CDH4: variants seen among roughly 807,000 people sequenced by gnomAD.
CDH4 encodes cadherin-4.
A neutral mutation model predicts 86.0 loss-of-function variants in CDH4; 33 were observed. The ratio of observed to expected loss-of-function variants is 0.38; its 90% CI spans 0.29 to 0.51. The LOEUF (loss-of-function observed/expected upper bound fraction) is 0.51. Among genes scored for constraint, CDH4 ranks in the 20% least tolerant of loss-of-function variants. The pLI, the probability that CDH4 is intolerant of heterozygous loss-of-function variation, is 0.86. For missense variants in CDH4, 1,114 were observed against 1,307.4 expected, an observed-to-expected ratio of 0.85 and a Z score of 2.28; for synonymous variants, 555 against 549.4, an observed-to-expected ratio of 1.01 and a Z score of -0.14.
rs578182672 is a variant in CDH4, at chr20:61,518,220, C to T, written c.170-225343C>T. Among the ~76,000 whole-genome samples the T allele has an allele frequency of 2.0e-4, 31 of 152,250 alleles. No individual in the cohort carries two copies. Among genetic ancestry groups the T allele is most frequent in the African/African-American group, 4.1e-4 (17 of 41,526 alleles). ...TATCGAACACCACCAGTTCCTAGGACGAGGAAGCCCGTGCCTCTCCACAGG... is the reference window on the plus strand; with the variant it reads ...TATCGAACACCACCAGTTCCTAGGATGAGGAAGCCCGTGCCTCTCCACAGG... On this transcript the variant is annotated intron_variant, in intron 2 of 15. Transcript: ENST00000614565. This position sits in a 1 kb window ranked among gnomAD's most constrained non-coding sequence, Gnocchi z 6.3.
chr20:61,859,284 G>A (rs571166027), intron 6 of CDH4, among the ~76,000 whole-genome samples: 44 of 152,168 alleles, frequency 2.9e-4, no homozygotes, highest in Non-Finnish European at 3.8e-4. Context: ...AATTCTTTAC[G>A]TATTCTAGAT....
intron 2 of CDH4, among the ~76,000 whole-genome samples, chr20:61,344,167 C>A (rs554743146): frequency 6.8e-4 from 104 of 152,170 alleles, no homozygotes; most frequent in Non-Finnish European, 1.3e-3. Context: ...TAGGGCTGGC[C>A]TCGAAGGGCG....
rs1260299308 is a variant in CDH4 at position 61,708,164 on chromosome 20, G to T, written c.170-35399G>T. Among the ~76,000 whole-genome samples, 1 of 152,144 alleles carries T rather than the reference G, an allele frequency of 6.6e-6. No individual in the cohort carries two copies. The highest frequency in any genetic ancestry group is 1.5e-5 in the Non-Finnish European group (1 of 67,998). ...GCAGTGGTTTCAGGCAACAGCCCGGGAGGAAAACCTAGGAAGAAGGGCTGG... is the reference window on the plus strand; with the variant it reads ...GCAGTGGTTTCAGGCAACAGCCCGGTAGGAAAACCTAGGAAGAAGGGCTGG... On this transcript the variant is annotated intron_variant, in intron 2 of 15. Transcript: ENST00000614565. The surrounding 1 kb of genome is among the most constrained non-coding windows in gnomAD (Gnocchi z 4.5).
intron 3 of CDH4, among the ~76,000 whole-genome samples, chr20:61,745,983 C>T (rs1185283418): frequency 6.6e-6 from 1 of 152,322 alleles, no homozygotes; most frequent in East Asian, 1.9e-4. Flanking sequence ...TGGGAATGTG[C>T]CTCGACCCAC....
intron 2 of CDH4, among the ~76,000 whole-genome samples, chr20:61,305,604 G>A (rs1250997312): frequency 1.3e-5 from 2 of 152,204 alleles, no homozygotes; most frequent in African/African-American, 2.4e-5. Context: ...CTCGGTTCAC[G>A]AACCTCTCTC....
At chr20:61,473,775 A>G (rs2085519339) in intron 2 of CDH4, among the ~76,000 whole-genome samples, 1 of 151,992 alleles carries the variant, frequency 6.6e-6, no homozygotes, top group Non-Finnish European at 1.5e-5. Flanking sequence ...ACACACAAAG[A>G]CACACACACA....
intron 3 of CDH4, among the ~76,000 whole-genome samples, chr20:61,762,530 C>T (rs148305233): frequency 3.5e-4 from 54 of 152,338 alleles, no homozygotes; most frequent in Middle Eastern, 3.4e-3. Context: ...ATTCCCAGCT[C>T]GGGGCTGTTG....
chr20:61,303,612 G>C (rs1029266367), intron 2 of CDH4, among the ~76,000 whole-genome samples: 4 of 152,350 alleles, frequency 2.6e-5, no homozygotes, highest in South Asian at 4.1e-4. Flanking sequence ...GGGGGTGTCT[G>C]CTCTCTCCGG....
At chr20:61,413,043 A>G (rs1441011514) in intron 2 of CDH4, among the ~76,000 whole-genome samples, 1 of 152,048 alleles carries the variant, frequency 6.6e-6, no homozygotes. Flanking sequence ...TCCATGTTCC[A>G]GGCTCTTGGT....
intron 2 of CDH4, among the ~76,000 whole-genome samples, chr20:61,695,801 C>T (rs113538793): frequency 2.0e-5 from 3 of 152,232 alleles, no homozygotes; most frequent in African/African-American, 4.8e-5. Context: ...CTCCTTCGTC[C>T]AATCCTTCCC....
At chr20:61,571,755 T>G in intron 2 of CDH4, among the ~76,000 whole-genome samples, 1 of 112,770 alleles carries the variant, frequency 8.9e-6, no homozygotes. Context: ...ACTCTTTCCC[T>G]CCCCTTCCCA....
intron 2 of CDH4, among the ~76,000 whole-genome samples, chr20:61,309,048 T>G (rs6028098): frequency 0.8 from 122,067 of 152,198 alleles, 49,356 homozygotes; most frequent in Non-Finnish European, 0.86. Flanking sequence ...CAGTGAAAAT[T>G]TGGAGCCCCT....
chr20:61,556,105 C>A (rs2086175710), intron 2 of CDH4, among the ~76,000 whole-genome samples: 1 of 152,200 alleles, frequency 6.6e-6, no homozygotes, highest in African/African-American at 2.4e-5. Context: ...CTTTCTCGGT[C>A]AGAGCAGCCG....
rs1449930249 is a variant in CDH4, at chr20:61,652,832, C to A, written c.170-90731C>A. 7.3e-5 allele frequency among the ~76,000 whole-genome samples: 9 copies of A among 122,546 alleles called. No homozygotes were observed. The Admixed American group carries it at 7.6e-4, about 10-fold the overall frequency. 80.4% of individuals were successfully genotyped at this position (122,546 alleles called of 152,430 possible). On this transcript the variant is annotated intron_variant, in intron 2 of 15. Transcript: ENST00000614565. ...AAATACATTTTCCTTTCCCATAATG[C>A]CAAAGAAAAATCAAGAATTTTTTTT... is the stretch of plus-strand genomic sequence containing the variant.
intron 2 of CDH4, among the ~76,000 whole-genome samples, chr20:61,685,153 T>C (rs1420554152): frequency 6.6e-6 from 1 of 152,234 alleles, no homozygotes; most frequent in East Asian, 1.9e-4. Context: ...GTGTCTAGTC[T>C]GGGTATTTGC....
intron 2 of CDH4, among the ~76,000 whole-genome samples, chr20:61,421,843 T>C (rs962575027): frequency 6.6e-6 from 1 of 152,110 alleles, no homozygotes; most frequent in Non-Finnish European, 1.5e-5. Context: ...GATTTATGAA[T>C]AGTATCGAGT....
intron 4 of CDH4, among the ~76,000 whole-genome samples, chr20:61,781,373 T>A (rs1254570725): frequency 6.6e-6 from 1 of 152,112 alleles, no homozygotes; most frequent in African/African-American, 2.4e-5. Flanking sequence ...TTATAGTATG[T>A]TCAAGGGTCA....
intron 2 of CDH4, among the ~76,000 whole-genome samples, chr20:61,334,366 G>A (rs895874388): frequency 1.3e-4 from 20 of 152,270 alleles, no homozygotes; most frequent in Middle Eastern, 3.4e-3. Flanking sequence ...AGGTTAAACC[G>A]TCACTGAGGT....
At chr20:61,916,238 G>A (rs1193389912) in intron 9 of CDH4, among the ~76,000 whole-genome samples, 1 of 152,038 alleles carries the variant, frequency 6.6e-6, no homozygotes, top group Non-Finnish European at 1.5e-5. Context: ...GGCCAGTGCA[G>A]GGACCCCATG....
Sources: gnomAD v4.1 joint callset for allele counts (sites outside exome capture counted in the v4.1 genomes callset) on GRCh38, gnomAD v4.1.1 for gene constraint, Gnocchi (gnomAD v3.1) non-coding constraint, MANE v1.5 for transcripts, NCBI Gene and HGNC (gene_info 2026-07-23, HGNC 2026-07-21) for gene names.